PLXNA2: variants seen among roughly 807,000 people sequenced by gnomAD.
PLXNA2 encodes the protein plexin A2, also known as plexin-A2.
Under a neutral mutation model 193.5 loss-of-function variants are expected in PLXNA2, and 91 were observed. That is an observed-to-expected ratio of 0.47 (90% CI 0.40 to 0.56). PLXNA2 has a LOEUF of 0.56. PLXNA2 is among the 20% of genes least tolerant of loss of function. PLXNA2 has a pLI of 0.00. For synonymous variants in PLXNA2, 997 were observed against 1,027.3 expected (o/e 0.97, Z 0.56); for missense variants, 1,995 against 2,503.2 (o/e 0.80, Z 4.33).
chr1:208,224,827 G>T (rs925116072), intron 1 of PLXNA2, among the ~76,000 whole-genome samples: 3 of 152,108 alleles, frequency 2.0e-5, no homozygotes, highest in African/African-American at 7.2e-5. Flanking sequence ...ACAAATTTGG[G>T]TGACAATTTC....
Position 208,033,500 on chromosome 1 carries a change from AAGG to A in PLXNA2, c.4871_4873del (p.Ser1624del), listed in dbSNP as rs750887625. 26 of 1,607,380 alleles carry A rather than the reference AAGG, an allele frequency of 1.6e-5. 1 individual carries two copies. In the South Asian group the frequency reaches 2.6e-4, roughly 16 times the overall value. ...GCTGTCGGGGCTGCCCGTATACCTGAAGGAGGAGTCTGAGGAGAAGGGGTTGGT... is the reference window on the plus strand; with the variant it reads ...GCTGTCGGGGCTGCCCGTATACCTGAAGGAGTCTGAGGAGAAGGGGTTGGT... On this transcript the variant is annotated inframe_deletion, in exon 28 of 32. Coordinates refer to ENST00000367033, the MANE Select transcript of PLXNA2 (RefSeq NM_025179.4).
intron 4 of PLXNA2, among the ~76,000 whole-genome samples, chr1:208,104,218 C>T (rs1359650011): frequency 1.3e-5 from 2 of 152,214 alleles, no homozygotes; most frequent in South Asian, 2.1e-4. Context: ...TCCAGTAGCA[C>T]AGTGTTCTGC....
chr1:208,238,164 G>A (rs1041758139), intron 1 of PLXNA2, among the ~76,000 whole-genome samples: 3 of 152,050 alleles, frequency 2.0e-5, no homozygotes, highest in Admixed American at 6.5e-5. Context: ...TCAAAGCGTC[G>A]GAGAGAATAT....
intron 3 of PLXNA2, among the ~76,000 whole-genome samples, chr1:208,164,997 C>A (rs1461745781): frequency 2.6e-5 from 4 of 152,212 alleles, no homozygotes; most frequent in African/African-American, 9.6e-5. Flanking sequence ...AGGGACGGAA[C>A]CAAAGCTGCT....
intron 12 of PLXNA2, among the ~76,000 whole-genome samples, chr1:208,069,394 G>A (rs574134148): frequency 2.6e-5 from 4 of 152,298 alleles, no homozygotes; most frequent in African/African-American, 9.6e-5. Flanking sequence ...GTTTTCCTCC[G>A]TGGGTGCCAT....
chr1:208,101,803 G>C (rs1214437286), intron 5 of PLXNA2, among the ~76,000 whole-genome samples: 1 of 152,180 alleles, frequency 6.6e-6, no homozygotes, highest in East Asian at 1.9e-4. Flanking sequence ...CGGAGGCATG[G>C]GGAGTAGGAG....
At chr1:208,225,487 T>C (rs1671480734) in intron 1 of PLXNA2, among the ~76,000 whole-genome samples, 1 of 152,172 alleles carries the variant, frequency 6.6e-6, no homozygotes, top group African/African-American at 2.4e-5. Flanking sequence ...TTTTTATTTT[T>C]ATTTTTGTAG....
chr1:208,166,849 G>A (rs569853895), intron 3 of PLXNA2, among the ~76,000 whole-genome samples: 7 of 152,208 alleles, frequency 4.6e-5, no homozygotes, highest in African/African-American at 1.2e-4. Context: ...CTCTGGTTTC[G>A]GTTCCTCACA....
intron 2 of PLXNA2, among the ~76,000 whole-genome samples, chr1:208,211,432 G>A (rs987795003): frequency 3.9e-5 from 6 of 152,276 alleles, no homozygotes; most frequent in South Asian, 4.1e-4. Flanking sequence ...GGTGGCTCAC[G>A]CCTGTAATCC....
At chr1:208,123,474 C>T (rs536880305) in intron 4 of PLXNA2, among the ~76,000 whole-genome samples, 3 of 152,176 alleles carry the variant, frequency 2.0e-5, no homozygotes, top group Admixed American at 1.3e-4. Flanking sequence ...GAGTGTGGGC[C>T]TTTTGCACCC....
chr1:208,185,154 G>C (rs556029616), intron 3 of PLXNA2, among the ~76,000 whole-genome samples: 1 of 152,274 alleles, frequency 6.6e-6, no homozygotes, highest in South Asian at 2.1e-4. Flanking sequence ...TGTCTTCTAG[G>C]CTGCAGGGAT....
intron 3 of PLXNA2, among the ~76,000 whole-genome samples, chr1:208,180,526 C>T (rs1468064383): frequency 6.6e-6 from 1 of 152,068 alleles, no homozygotes; most frequent in East Asian, 1.9e-4. Context: ...AAACAAAAAC[C>T]CAAGAGCTCA....
At chr1:208,161,475 A>G (rs1036209875) in intron 3 of PLXNA2, among the ~76,000 whole-genome samples, 18 of 152,256 alleles carry the variant, frequency 1.2e-4, no homozygotes, top group African/African-American at 3.4e-4. Flanking sequence ...AAATGCCATT[A>G]AAACATCTCT....
chr1:208,193,160 T>A (rs1197857595), intron 3 of PLXNA2, among the ~76,000 whole-genome samples: 1 of 152,224 alleles, frequency 6.6e-6, no homozygotes, highest in Non-Finnish European at 1.5e-5. Flanking sequence ...TGCAGCACAG[T>A]GAATGATGAA....
chr1:208,059,606 TA>T (rs1371964184), intron 13 of PLXNA2, among the ~76,000 whole-genome samples: 6 of 152,188 alleles, frequency 3.9e-5, no homozygotes, highest in Non-Finnish European at 8.8e-5. Context: ...AGCCCTGCAT[TA>T]GGGGTCAGGA....
rs1404349314 is a variant in PLXNA2, at chr1:208,043,093, T to C, written c.3985A>G (p.Ile1329Val). 1.2e-6 allele frequency: 2 copies of C among 1,614,034 alleles called. No individual in the cohort carries two copies. Among genetic ancestry groups the C allele is most frequent in the South Asian group, 1.1e-5 (1 of 91,082 alleles). The change falls in exon 21 of 32, where the codon ATC becomes GTC. Residue 1329 changes from isoleucine (I) to valine (V), a missense_variant. Physicochemically the swap from Ile to Val is conservative, Grantham distance 29 (BLOSUM62 3). Around this residue, in one of 3 missense-constraint regions of PLXNA2, gnomAD observed 1,291 missense variants for 1,673.6 expected, o/e 0.77. Transcript: ENST00000367033. Reference sequence around the variant, plus strand: ...TCCCGCAGGACGGGGTGGTCCTCGATGCCCGGGAACAGGACTCGCATAGCG... The same window carrying C: ...TCCCGCAGGACGGGGTGGTCCTCGACGCCCGGGAACAGGACTCGCATAGCG... ...TYAMRVLFPGIEDHPVLRELE... is the reference protein window; with the variant it reads ...TYAMRVLFPGVEDHPVLRELE...
At chr1:208,091,199 T>A (rs916567087) in intron 9 of PLXNA2, among the ~76,000 whole-genome samples, 2 of 152,246 alleles carry the variant, frequency 1.3e-5, no homozygotes, top group African/African-American at 2.4e-5. Flanking sequence ...ACCTGTGGCA[T>A]CTATGTTTCT....
chr1:208,076,902 T>C (rs544874998), intron 12 of PLXNA2, among the ~76,000 whole-genome samples: 1 of 152,218 alleles, frequency 6.6e-6, no homozygotes, highest in Non-Finnish European at 1.5e-5. Flanking sequence ...ACTTTGGAAA[T>C]CTGGGTGAAG....
intron 26 of PLXNA2, among the ~76,000 whole-genome samples, chr1:208,036,398 C>T (rs1166450195): frequency 1.3e-5 from 2 of 152,212 alleles, no homozygotes; most frequent in African/African-American, 4.8e-5. Flanking sequence ...TCTTAACCAA[C>T]AGGTGGTGCA....
Sources: allele counts gnomAD v4.1 joint callset (sites outside exome capture counted in the v4.1 genomes callset), GRCh38; gene constraint gnomAD v4.1.1; regional missense constraint gnomAD v4.1.1; transcripts MANE v1.5; gene names NCBI Gene and HGNC (gene_info 2026-07-23, HGNC 2026-07-21).